The following ZNF486 variants were observed in gnomAD, a reference collection of about 807,000 sequenced individuals.
ZNF486 encodes the protein KRAB box only protein 2.
ZNF486 carries 12 observed loss-of-function variants against 12.8 expected under a neutral mutation model. That is an observed-to-expected ratio of 0.94 (90% CI 0.60 to 1.52). The LOEUF is 1.52. Ranked by LOEUF, ZNF486 falls within the 40% of genes most tolerant of loss-of-function variation. The pLI is 0.00. For synonymous variants in ZNF486, 231 were observed against 184.9 expected (o/e 1.25, Z -2.02); for missense variants, 738 against 545.0 (o/e 1.35, Z -3.53).
chr19:20,184,510 T>TA (rs781828566), intron 2 of ZNF486, 28 bp downstream of exon 2: 26 of 1,550,556 alleles, frequency 1.7e-5, no homozygotes, highest in Non-Finnish European at 2.2e-5. Flanking sequence ...ACATAATTCA[T>TA]AAAAAACCCC....
chr19:20,194,760 A>G (rs2089941491), intron 3 of ZNF486, among the ~76,000 whole-genome samples: 1 of 152,072 alleles, frequency 6.6e-6, no homozygotes, highest in South Asian at 2.1e-4. Flanking sequence ...ATCTCATGAG[A>G]CTATGCTTAT....
rs868958413 is a variant in ZNF486, at chr19:20,167,291, G to A, written c.-40G>A. The stretch of plus-strand genomic sequence containing the variant: ...CTGCTCCTAGAGGCCCACCCTCTGT[G>A]GCCCTGTGTCCTGTAGGTATTGGGA... On this transcript the variant is annotated 5_prime_UTR_variant, in exon 1 of 4. Transcript: ENST00000335117. 6.2e-7 allele frequency: 1 copy of A among 1,613,708 alleles called. No homozygotes were observed. Among genetic ancestry groups the A allele is most frequent in the East Asian group, 2.2e-5 (1 of 44,886 alleles).
intron 1 of ZNF486, among the ~76,000 whole-genome samples, chr19:20,179,102 C>G (rs2089755818): frequency 6.6e-6 from 1 of 152,132 alleles, no homozygotes; most frequent in African/African-American, 2.4e-5. Flanking sequence ...GGTTATCAAA[C>G]TCAGAGACAT....
chr19:20,194,670 G>A (rs1369829423), intron 3 of ZNF486, among the ~76,000 whole-genome samples: 1 of 152,078 alleles, frequency 6.6e-6, no homozygotes, highest in Non-Finnish European at 1.5e-5. Context: ...GGAGGTTGCA[G>A]TGAGCCAAGA....
At chr19:20,174,381 TTTTC>T (rs144184808) in intron 1 of ZNF486, among the ~76,000 whole-genome samples, 6,315 of 151,480 alleles carry the variant, frequency 0.042, 446 homozygotes, top group African/African-American at 0.14. Flanking sequence ...AGTATTTTGT[TTTTC>T]TTTCTTTCTT....
At position 20,183,133 on chromosome 19, in the gene ZNF486, GCTT is replaced by G. The variant is rs201562948; in HGVS notation, c.31-1219_31-1217del. Among the ~76,000 whole-genome samples the G allele has an allele frequency of 7.8e-3, 1,183 of 152,174 alleles. 5 individuals carry two copies. The highest frequency in any genetic ancestry group is 0.014 in the African/African-American group (572 of 41,514). ...CTTTCTCTGCATTCTCTATGTCATAGCTTCTTATATGCCATGCAGAATTCTCAG... is the reference window on the plus strand; with the variant it reads ...CTTTCTCTGCATTCTCTATGTCATAGCTTATATGCCATGCAGAATTCTCAG... On this transcript the variant is annotated intron_variant, in intron 1 of 3. Transcript: ENST00000335117.
intron 1 of ZNF486, among the ~76,000 whole-genome samples, chr19:20,174,349 G>T (rs836894): frequency 6.6e-6 from 1 of 151,792 alleles, no homozygotes; most frequent in Non-Finnish European, 1.5e-5. Flanking sequence ...TTGTAGACAA[G>T]CTGCATTTAT....
chr19:20,180,639 T>A (rs987181445), intron 1 of ZNF486, among the ~76,000 whole-genome samples: 2 of 152,184 alleles, frequency 1.3e-5, no homozygotes, highest in Non-Finnish European at 1.5e-5. Context: ...AGTGACATGA[T>A]CTTGGCTCAC....
At chr19:20,193,308 T>G (rs945719160) in intron 3 of ZNF486, among the ~76,000 whole-genome samples, 1 of 151,864 alleles carries the variant, frequency 6.6e-6, no homozygotes, top group Non-Finnish European at 1.5e-5. Context: ...CTTTTTTTTT[T>G]TTTTGAAACT....
rs782096052 is a variant in ZNF486 at position 20,197,588 on chromosome 19, C to A, written c.878C>A (p.Pro293His). 1.5e-5 allele frequency: 25 copies of A among 1,613,662 alleles called. No homozygotes were observed. The highest frequency in any genetic ancestry group is 1.2e-4 in the South Asian group (11 of 91,040). Residue 293 changes from proline (P) to histidine (H), a missense_variant, in exon 4 of 4, where the codon CCC (proline) becomes CAC (histidine). Pro to His is a moderately conservative substitution (Grantham distance 77). Transcript: ENST00000335117. ...THKIIHTGEQ[P>H]YKCKECDKAF... The stretch of plus-strand genomic sequence containing the variant: ...AAGATAATCCATACTGGAGAGCAAC[C>A]CTACAAATGTAAAGAATGTGACAAA...
chr19:20,169,519 C>A (rs1423168419), intron 1 of ZNF486, among the ~76,000 whole-genome samples: 1 of 152,124 alleles, frequency 6.6e-6, no homozygotes, highest in Admixed American at 6.5e-5. Flanking sequence ...AGAGAAGCTA[C>A]GGAGCCCTGG....
intron 3 of ZNF486, among the ~76,000 whole-genome samples, chr19:20,186,950 T>A (rs1330199028): frequency 6.6e-6 from 1 of 151,374 alleles, no homozygotes; most frequent in Non-Finnish European, 1.5e-5. Context: ...GCCTGGCTAA[T>A]TTTTTTTGTA....
intron 3 of ZNF486, among the ~76,000 whole-genome samples, chr19:20,191,491 T>G (rs1285261369): frequency 5.6e-5 from 8 of 143,314 alleles, no homozygotes; most frequent in African/African-American, 2.1e-4. Context: ...TGCACTCGGC[T>G]GGGGGCGGTG....
chr19:20,184,332 T>C (rs374179759), intron 1 of ZNF486, 24 bp from the exon 2 acceptor site: 1,074 of 1,182,774 alleles, frequency 9.1e-4, no homozygotes, highest in Non-Finnish European at 1.2e-3. Context: ...TTGGTGAAAA[T>C]GTGTGTGTGT....
rs2089981681 is a variant in ZNF486, at chr19:20,198,288, A to AGATGGGGTTTCTCCAT, written c.*188_*203dup. On this transcript the variant is annotated 3_prime_UTR_variant, in exon 4 of 4. Transcript: ENST00000335117. Reference sequence around the variant, plus strand: ...CTGGCTAATTTTGTATTTTTAGTAGAGATGGGGTTTCTCCATGTTGGTCAG... The same window carrying AGATGGGGTTTCTCCAT: ...CTGGCTAATTTTGTATTTTTAGTAGAGATGGGGTTTCTCCATGATGGGGTTTCTCCATGTTGGTCAG... 2 of 579,618 alleles carry AGATGGGGTTTCTCCAT rather than the reference A, an allele frequency of 3.5e-6. No homozygotes were observed. The highest frequency in any genetic ancestry group is 3.7e-5 in the African/African-American group (2 of 53,456). The allele number at this position is 579,618 out of a possible 1,614,324, so 35.9% of individuals were successfully genotyped here.
At chr19:20,187,052 G>GA (rs2089855401) in intron 3 of ZNF486, among the ~76,000 whole-genome samples, 1 of 151,654 alleles carries the variant, frequency 6.6e-6, no homozygotes, top group Non-Finnish European at 1.5e-5. Flanking sequence ...CAAAGTGCTG[G>GA]GATTACAGGC....
chr19:20,169,693 A>G (rs528573886), intron 1 of ZNF486, among the ~76,000 whole-genome samples: 2 of 152,164 alleles, frequency 1.3e-5, no homozygotes, highest in South Asian at 4.2e-4. Flanking sequence ...GAAAGTACCA[A>G]CTAATTATAA....
intron 1 of ZNF486, 50 bp from the exon 2 acceptor site, chr19:20,184,306 T>A: frequency 6.2e-7 from 1 of 1,605,420 alleles, no homozygotes; most frequent in Non-Finnish European, 8.5e-7. Flanking sequence ...AAATTAAAAA[T>A]TCCACCAACG....
At chr19:20,186,717 C>A (rs555072961) in intron 3 of ZNF486, among the ~76,000 whole-genome samples, 1 of 150,378 alleles carries the variant, frequency 6.6e-6, no homozygotes, top group South Asian at 2.1e-4. Flanking sequence ...TTTATTGAAT[C>A]TATAGATCAC....
Sources: allele counts gnomAD v4.1 joint callset (sites outside exome capture counted in the v4.1 genomes callset), GRCh38; gene constraint gnomAD v4.1.1; transcripts MANE v1.5; gene names NCBI Gene and HGNC (gene_info 2026-07-23, HGNC 2026-07-21).